The following CORO2B variants were observed in gnomAD, a reference collection of about 807,000 sequenced individuals.
CORO2B encodes coronin 2B, also known as coronin-2B.
A neutral mutation model predicts 58.8 loss-of-function variants in CORO2B; 26 were observed. The observed-to-expected ratio is 0.44, with a 90% CI of 0.32 to 0.61. The LOEUF is 0.61. Ranked by LOEUF, CORO2B falls within the 20% of genes least tolerant of loss-of-function variation. The pLI is 0.04. For synonymous variants in CORO2B, 242 were observed against 253.8 expected (o/e 0.95, Z 0.44); for missense variants, 460 against 645.1 (o/e 0.71, Z 3.11).
intron 2 of CORO2B, among the ~76,000 whole-genome samples, chr15:68,690,892 C>T (rs1342047443): frequency 1.4e-5 from 2 of 148,064 alleles, no homozygotes; most frequent in Non-Finnish European, 3.0e-5. Flanking sequence ...TGGGCTTAAA[C>T]GATCCACCTG....
intron 1 of CORO2B, among the ~76,000 whole-genome samples, chr15:68,640,270 G>A (rs919060689): frequency 2.0e-5 from 3 of 152,210 alleles, no homozygotes; most frequent in Non-Finnish European, 1.5e-5. Flanking sequence ...CAGACCAGGT[G>A]TGTGCTCACA....
At chr15:68,596,197 C>T (rs946827711) in intron 1 of CORO2B, among the ~76,000 whole-genome samples, 5 of 152,148 alleles carry the variant, frequency 3.3e-5, no homozygotes, top group Admixed American at 3.3e-4. Context: ...TAAGCATGCA[C>T]TGTGCCCGTG....
intron 1 of CORO2B, among the ~76,000 whole-genome samples, chr15:68,590,785 T>C (rs1366732180): frequency 2.0e-5 from 3 of 151,852 alleles, no homozygotes; most frequent in Admixed American, 6.6e-5. Flanking sequence ...GAGAGGCAAA[T>C]GAGGCAGGAG....
intron 1 of CORO2B, among the ~76,000 whole-genome samples, chr15:68,599,610 A>G (rs1273929468): frequency 4.0e-5 from 6 of 151,890 alleles, no homozygotes; most frequent in Non-Finnish European, 8.8e-5. Flanking sequence ...CCCCACCCCC[A>G]CGCTGCCCAG....
At chr15:68,588,850 T>C (rs1466551178) in intron 1 of CORO2B, among the ~76,000 whole-genome samples, 1 of 71,638 alleles carries the variant, frequency 1.4e-5, no homozygotes, top group Non-Finnish European at 2.9e-5. Context: ...TTTATTTAAC[T>C]CCTGAAAAAT....
At chr15:68,583,418 C>T (rs1899477665) in intron 1 of CORO2B, among the ~76,000 whole-genome samples, 1 of 152,186 alleles carries the variant, frequency 6.6e-6, no homozygotes, top group South Asian at 2.1e-4. Flanking sequence ...GACTCATGGT[C>T]AGTGCTCTTT....
chr15:68,573,838 C>T, the CORO2B span, among the ~76,000 whole-genome samples: 60 of 152,268 alleles, frequency 3.9e-4, no homozygotes, highest in Non-Finnish European at 6.9e-4. Flanking sequence ...GCAGAGAAAA[C>T]GAGGCTCAGG....
At chr15:68,520,732 A>G in the CORO2B span, among the ~76,000 whole-genome samples, 3 of 152,354 alleles carry the variant, frequency 2.0e-5, no homozygotes, top group South Asian at 2.1e-4. Context: ...TGTAAACAGC[A>G]TAGCATTTAA....
the CORO2B span, among the ~76,000 whole-genome samples, chr15:68,543,881 C>A: frequency 1.3e-5 from 2 of 152,184 alleles, no homozygotes; most frequent in Non-Finnish European, 2.9e-5. Context: ...TGCCCAGCAG[C>A]CTTTCACGCT....
At chr15:68,642,587 A>G (rs539563196) in intron 1 of CORO2B, among the ~76,000 whole-genome samples, 1 of 152,272 alleles carries the variant, frequency 6.6e-6, no homozygotes, top group South Asian at 2.1e-4. Flanking sequence ...AGGTCTCCCC[A>G]TGGCCTCCAC....
chr15:68,705,585 T>C lies in CORO2B; in HGVS notation c.334-5147T>C, dbSNP rs571577819. ...TCATCTGAGTCCCTCAAGCCCTGCC[T>C]GAGACCCTACATCCAACAGTTCTTG... On this transcript the variant is annotated intron_variant, in intron 3 of 11. Transcript: ENST00000261861. Among the ~76,000 whole-genome samples the C allele has an allele frequency of 4.6e-5, 7 of 152,310 alleles. No individual in the cohort carries two copies. The South Asian group carries it at 1.5e-3, about 32-fold the overall frequency.
intron 1 of CORO2B, chr15:68,632,037 C>T (rs1900850222): frequency 8.1e-6 from 8 of 985,354 alleles, no homozygotes; most frequent in Non-Finnish European, 9.6e-6. Flanking sequence ...TAGAGGGTGA[C>T]TAGCAGCCAG....
chr15:68,696,068 C>G (rs1242726210), intron 3 of CORO2B, among the ~76,000 whole-genome samples: 1 of 125,622 alleles, frequency 8.0e-6, no homozygotes, highest in Admixed American at 9.0e-5. Flanking sequence ...AGACCCCCGT[C>G]TCTACAAAAA....
intron 2 of CORO2B, among the ~76,000 whole-genome samples, chr15:68,681,706 G>C (rs1291128380): frequency 6.6e-6 from 1 of 151,942 alleles, no homozygotes; most frequent in Admixed American, 6.6e-5. Context: ...AGTCAGATCT[G>C]ATAAGACAGA....
chr15:68,578,284 T>G (rs1209625744), upstream of CORO2B, among the ~76,000 whole-genome samples: 1 of 152,094 alleles, frequency 6.6e-6, no homozygotes, highest in Non-Finnish European at 1.5e-5. This position sits in a 1 kb window ranked among gnomAD's most constrained non-coding sequence, Gnocchi z 4.2. Context: ...AGAGGTTCCT[T>G]AGGGAGCTAG....
In CORO2B at chr15:68,695,269, G is replaced by T. The variant is rs1413414189; in HGVS notation, c.333+13G>T. On this transcript the variant is annotated intron_variant, in intron 3 of 11. Transcript: ENST00000261861. The stretch of plus-strand genomic sequence containing the variant: ...GGAGGACACGTCGGTGAGCAGAGGG[G>T]TGCTCCCGGAGGAGGGTGGGCTCAG... The T allele has an allele frequency of 1.9e-6, 3 of 1,600,918 alleles. No individual in the cohort carries two copies. The highest frequency in any genetic ancestry group is 8.6e-7 in the Non-Finnish European group (1 of 1,168,488).
rs1211469025 is a variant in CORO2B, at chr15:68,645,339, C to T, written c.195C>T (p.Phe65=). The change falls in exon 2 of 12, where the codon TTC becomes TTT. Residue 65 remains phenylalanine (F), a synonymous_variant. Transcript: ENST00000261861. This position sits in a 1 kb window ranked among gnomAD's most constrained non-coding sequence, Gnocchi z 4.5. ...CCGAGAGCGCAGGGGGCGGCTCCTT[C>T]CTCGTCATCCCCCTGGAGCAGGTAG... ...IVTESAGGGS[F]LVIPLEQTGR... is the part of the protein sequence containing the mutation. 6.2e-7 allele frequency: 1 copy of T among 1,612,024 alleles called. No individual in the cohort carries two copies.
rs1000641879 is a variant in CORO2B, at chr15:68,642,945, A to G, written c.16-2215A>G. ...AACTGTGGCATCGAGAATGTTCTGC[A>G]TGGAAAAGACAGAGAAATACCTGGT... On this transcript the variant is annotated intron_variant, in intron 1 of 11. Transcript: ENST00000261861. Among the ~76,000 whole-genome samples the G allele has an allele frequency of 3.9e-5, 6 of 152,346 alleles. No homozygotes were observed. In the South Asian group the frequency reaches 1.0e-3, roughly 26 times the overall value.
intron 2 of CORO2B, among the ~76,000 whole-genome samples, chr15:68,693,258 G>A (rs992516946): frequency 3.3e-5 from 5 of 152,184 alleles, no homozygotes; most frequent in African/African-American, 7.2e-5. Flanking sequence ...GAAATGAGCC[G>A]ACAGAGATGC....
Sources: allele counts gnomAD v4.1 joint callset (sites outside exome capture counted in the v4.1 genomes callset), GRCh38; gene constraint gnomAD v4.1.1; non-coding constraint Gnocchi (gnomAD v3.1); transcripts MANE v1.5; gene names NCBI Gene and HGNC (gene_info 2026-07-23, HGNC 2026-07-21).